Variants in RFX7 observed in about 807,000 individuals in gnomAD.
RFX7 encodes regulatory factor X7, also known as DNA-binding protein RFX7.
Under a neutral mutation model 111.8 loss-of-function variants are expected in RFX7, and 26 were observed. The ratio of observed to expected loss-of-function variants is 0.23; its 90% CI spans 0.17 to 0.32. RFX7 has a LOEUF of 0.32. RFX7 is among the 10% of genes least tolerant of loss of function. RFX7 has a pLI of 1.00. For synonymous variants in RFX7, 624 were observed against 624.4 expected (o/e 1.00, Z 0.01); for missense variants, 1,573 against 1,772.9 (o/e 0.89, Z 2.02).
intron 2 of RFX7, among the ~76,000 whole-genome samples, chr15:56,203,320 A>G (rs2043213427): frequency 6.6e-6 from 1 of 152,222 alleles, no homozygotes; most frequent in African/African-American, 2.4e-5. Flanking sequence ...TAGGTAACCC[A>G]CAGAGAAAGT....
At position 56,218,144 on chromosome 15, in the gene RFX7, CTTTTT is replaced by C. The variant is rs869249448; in HGVS notation, c.161+24976_161+24980del. Among the ~76,000 whole-genome samples, 376 of 57,902 alleles carry C rather than the reference CTTTTT, an allele frequency of 6.5e-3. 4 individuals carry two copies. The highest frequency in any genetic ancestry group is 0.026 in the African/African-American group (363 of 13,808). 38.0% of individuals were successfully genotyped at this position (57,902 alleles called of 152,430 possible). A position where few individuals can be genotyped will look rare whatever the true frequency, so the allele number is the denominator to read the frequency against. On this transcript the variant is annotated intron_variant, in intron 2 of 9. Coordinates refer to ENST00000559447, the MANE Select transcript of RFX7 (RefSeq NM_022841.7). ...TTACAAGTAATTTAGAAATGATTTT[CTTTTT>C]TTTTTTTTTTTTTTTTTTTTTTGAG...
intron 5 of RFX7, among the ~76,000 whole-genome samples, chr15:56,120,069 CTTCA>C (rs2042057350): frequency 6.6e-6 from 1 of 152,072 alleles, no homozygotes; most frequent in Admixed American, 6.5e-5. Flanking sequence ...TTGATAGACA[CTTCA>C]TTCAATCTGT....
At chr15:56,157,883 A>G (rs1372751274) in intron 3 of RFX7, among the ~76,000 whole-genome samples, 1 of 152,180 alleles carries the variant, frequency 6.6e-6, no homozygotes, top group South Asian at 2.1e-4. Context: ...CCGGCCTAAC[A>G]ATTTATCCTT....
chr15:56,127,401 C>G (rs1346182736), intron 5 of RFX7, among the ~76,000 whole-genome samples: 4 of 150,586 alleles, frequency 2.7e-5, no homozygotes, highest in African/African-American at 9.8e-5. Context: ...ACCTAATCTT[C>G]CAGGTTAAGA....
chr15:56,225,739 C>T (rs2043475978), intron 2 of RFX7, among the ~76,000 whole-genome samples: 1 of 152,136 alleles, frequency 6.6e-6, no homozygotes, highest in African/African-American at 2.4e-5. Context: ...TCTAGCATAA[C>T]CGTTTCCTTC....
At position 56,095,422 on chromosome 15, in the gene RFX7, C is replaced by T. The variant is rs779458165; in HGVS notation, c.2306G>A (p.Ser769Asn). 5 of 1,612,952 alleles carry T rather than the reference C, an allele frequency of 3.1e-6. No individual in the cohort carries two copies. In the South Asian group the frequency reaches 5.5e-5, roughly 18 times the overall value. ...KLEGSVFLLD[S>N]DSKSVGSFNP... is the part of the protein sequence containing the mutation. The stretch of plus-strand genomic sequence containing the variant: ...AAAGCTGCCAACTGACTTTGAATCA[C>T]TGTCCAAGAGAAAGACACTTCCTTC... Residue 769 changes from serine to asparagine, a missense_variant, in exon 10 of 10, where the codon AGT becomes AAT. Physicochemically the swap from Ser to Asn is conservative, Grantham distance 46. Coordinates refer to ENST00000559447, the MANE Select transcript of RFX7 (RefSeq NM_022841.7).
At chr15:56,221,490 G>T (rs2043426121) in intron 2 of RFX7, among the ~76,000 whole-genome samples, 1 of 152,034 alleles carries the variant, frequency 6.6e-6, no homozygotes, top group South Asian at 2.1e-4. Context: ...ACAGTATATA[G>T]TTGGAGCTTG....
chr15:56,197,648 T>C lies in RFX7; in HGVS notation c.162-18345A>G, dbSNP rs536753386. On this transcript the variant is annotated intron_variant, in intron 2 of 9. Coordinates refer to ENST00000559447, the MANE Select transcript of RFX7 (RefSeq NM_022841.7). ...TACACGTTAGGCAATTATAAACATG[T>C]GACCAATAAAAGGAAGGATGGAAGA... Among the ~76,000 whole-genome samples, 3 of 152,144 alleles carry C rather than the reference T, an allele frequency of 2.0e-5. No homozygotes were observed. In the South Asian group the frequency reaches 6.2e-4, roughly 32 times the overall value.
Position 56,243,789 on chromosome 15 carries a change from C to A in RFX7, c.-347G>T, listed in dbSNP as rs1364773182. Among the ~76,000 whole-genome samples, 5 of 147,308 alleles carry A rather than the reference C, an allele frequency of 3.4e-5. No individual in the cohort carries two copies. The highest frequency in any genetic ancestry group is 4.9e-5 in the African/African-American group (2 of 40,844). On this transcript the variant is annotated 5_prime_UTR_variant, in exon 1 of 10. Transcript: ENST00000559447. ...CACCGCTCCACGCCACTCCCCACGC[C>A]GCCGCCGCCGCCGCCGCTCGCTCCC...
chr15:56,101,561 T>C lies in RFX7; in HGVS notation c.609A>G (p.Glu203=), dbSNP rs2041753645. The C allele has an allele frequency of 1.2e-6, 2 of 1,613,010 alleles. No individual in the cohort carries two copies. Residue 203 remains glutamate (E), a synonymous_variant, in exon 8 of 10, where the codon GAA becomes GAG. Coordinates refer to ENST00000559447, the MANE Select transcript of RFX7 (RefSeq NM_022841.7). ...GAAGCTGCCCAGAAGGTTCAGCTCC[T>C]TCCAACTAGGCAAAGAAAAAAGGAA... ...LDFHKTGDGL[E]GAEPSGQLQN...
At chr15:56,103,510 T>G in intron 6 of RFX7, 44 bp downstream of exon 6, 4 of 1,227,914 alleles carry the variant, frequency 3.3e-6, no homozygotes, top group Non-Finnish European at 4.6e-6. Context: ...CTATAACAAG[T>G]GAGAACACAG....
At position 56,093,183 on chromosome 15, in the gene RFX7, T is replaced by C; in HGVS notation, c.*162A>G. 1 of 615,868 alleles carries C rather than the reference T, an allele frequency of 1.6e-6. No homozygotes were observed. The allele number at this position is 615,868 out of a possible 1,614,324, so 38.2% of individuals were successfully genotyped here. ...CTGTCTTTAGACACTTGTTAAGAACTGAGGCAAGTCTAACCATTTCCTACT... is the reference window on the plus strand; with the variant it reads ...CTGTCTTTAGACACTTGTTAAGAACCGAGGCAAGTCTAACCATTTCCTACT... On this transcript the variant is annotated 3_prime_UTR_variant, in exon 10 of 10. Coordinates refer to ENST00000559447, the MANE Select transcript of RFX7 (RefSeq NM_022841.7).
chr15:56,189,425 C>T, intron 2 of RFX7, among the ~76,000 whole-genome samples: 1 of 151,526 alleles, frequency 6.6e-6, no homozygotes, highest in East Asian at 1.9e-4. Context: ...GAATAAACTT[C>T]TATTCACTGA....
intron 5 of RFX7, among the ~76,000 whole-genome samples, chr15:56,110,414 A>AG (rs1168876284): frequency 4.5e-4 from 24 of 53,656 alleles, no homozygotes; most frequent in South Asian, 3.9e-3. Context: ...CGTCCGGGGG[A>AG]GGGGGGGTCA....
rs575868488 is a variant in RFX7 at position 56,243,583 on chromosome 15, C to A, written c.-141G>T. On this transcript the variant is annotated 5_prime_UTR_variant, in exon 1 of 10. Transcript: ENST00000559447. Reference sequence around the variant, plus strand: ...CAGCCCCCCGCTGGCGCCGCCGCCTCCTCCCGTCAGCGGCCGGGGCTGTGG... The same window carrying A: ...CAGCCCCCCGCTGGCGCCGCCGCCTACTCCCGTCAGCGGCCGGGGCTGTGG... 1,489 of 808,540 alleles carry A rather than the reference C, an allele frequency of 1.8e-3. 23 individuals carry two copies. The African/African-American group carries it at 0.026, about 14-fold the overall frequency. 50.1% of individuals were successfully genotyped at this position (808,540 alleles called of 1,614,324 possible).
intron 9 of RFX7, among the ~76,000 whole-genome samples, chr15:56,096,932 CAT>C (rs2041687290): frequency 2.6e-5 from 4 of 152,126 alleles, no homozygotes; most frequent in African/African-American, 2.4e-5. Context: ...AGGAAGAAGA[CAT>C]AAAATCTTGA....
intron 2 of RFX7, among the ~76,000 whole-genome samples, chr15:56,204,057 T>C (rs111841298): frequency 0.065 from 9,754 of 149,364 alleles, 447 homozygotes; most frequent in Admixed American, 0.1. Flanking sequence ...TCTCACTCTG[T>C]TGCCCCAGGC....
At chr15:56,190,399 G>A (rs1350986288) in intron 2 of RFX7, among the ~76,000 whole-genome samples, 1 of 152,108 alleles carries the variant, frequency 6.6e-6, no homozygotes, top group African/African-American at 2.4e-5. Context: ...CAATTTCCAG[G>A]GACAGCCCAT....
At chr15:56,213,290 T>C (rs1205524538) in intron 2 of RFX7, among the ~76,000 whole-genome samples, 2 of 152,218 alleles carry the variant, frequency 1.3e-5, no homozygotes, top group East Asian at 3.8e-4. Flanking sequence ...AATCAATCCA[T>C]ATATCCTACA....
Sources: gnomAD v4.1 joint callset for allele counts (sites outside exome capture counted in the v4.1 genomes callset) on GRCh38, gnomAD v4.1.1 for gene constraint, MANE v1.5 for transcripts, NCBI Gene and HGNC (gene_info 2026-07-23, HGNC 2026-07-21) for gene names.